The following MAGI1 variants were observed in gnomAD, a reference collection of about 807,000 sequenced individuals.
MAGI1 encodes membrane associated guanylate kinase, WW and PDZ domain containing 1.
Under a neutral mutation model 139.9 loss-of-function variants are expected in MAGI1, and 58 were observed. The ratio of observed to expected loss-of-function variants is 0.41; its 90% CI spans 0.34 to 0.52. The LOEUF is 0.52. Ranked by LOEUF, MAGI1 falls within the 20% of genes least tolerant of loss-of-function variation. The probability of loss-of-function intolerance (pLI) is 0.12; values close to 1 mark genes in which losing one functional copy is unlikely to be tolerated. For missense variants in MAGI1, 1,874 were observed against 1,901.6 expected (o/e 0.99, Z 0.27); for synonymous variants, 812 against 737.9 (o/e 1.10, Z -1.63).
At chr3:66,007,775 T>G (rs2067104284) in intron 1 of MAGI1, among the ~76,000 whole-genome samples, 1 of 151,144 alleles carries the variant, frequency 6.6e-6, no homozygotes, top group Non-Finnish European at 1.5e-5. Flanking sequence ...CAATAACCAT[T>G]TCAGTGTATT....
intron 13 of MAGI1, among the ~76,000 whole-genome samples, chr3:65,392,813 G>T (rs1944039669): frequency 6.6e-6 from 1 of 152,156 alleles, no homozygotes; most frequent in Admixed American, 6.5e-5. Context: ...GGAGGTATTG[G>T]CAAGGATTCA....
At chr3:65,935,062 T>A (rs912322512) in intron 1 of MAGI1, among the ~76,000 whole-genome samples, 1 of 152,060 alleles carries the variant, frequency 6.6e-6, no homozygotes, top group Non-Finnish European at 1.5e-5. Context: ...AACTATTCGA[T>A]CAAAGAAGAG....
chr3:65,874,739 C>G (rs1477071163), intron 1 of MAGI1: 1 of 152,208 alleles, frequency 6.6e-6, no homozygotes, highest in African/African-American at 2.4e-5. Context: ...TTTGAACCAG[C>G]AATTCCATTC....
intron 1 of MAGI1, among the ~76,000 whole-genome samples, chr3:65,640,407 G>T (rs1286897320): frequency 1.3e-5 from 2 of 152,186 alleles, no homozygotes; most frequent in Admixed American, 6.5e-5. Flanking sequence ...AACCCCAGAG[G>T]CCTCTCCTGT....
chr3:65,707,399 A>G (rs1408399506), intron 1 of MAGI1, among the ~76,000 whole-genome samples: 1 of 152,180 alleles, frequency 6.6e-6, no homozygotes, highest in African/African-American at 2.4e-5. Context: ...CCCGAGTGCC[A>G]GGGCAACCGG....
intron 1 of MAGI1, among the ~76,000 whole-genome samples, chr3:65,705,520 T>C (rs947710251): frequency 4.6e-5 from 7 of 152,248 alleles, no homozygotes; most frequent in African/African-American, 1.7e-4. Context: ...TTGTACAAGG[T>C]GCAAGTCAGT....
intron 1 of MAGI1, among the ~76,000 whole-genome samples, chr3:65,982,272 G>A (rs1353014958): frequency 6.6e-6 from 1 of 152,166 alleles, no homozygotes; most frequent in Non-Finnish European, 1.5e-5. Context: ...GACTGGCCTG[G>A]GGTTTTAATT....
chr3:65,569,281 A>T, intron 2 of MAGI1, among the ~76,000 whole-genome samples: 1 of 152,228 alleles, frequency 6.6e-6, no homozygotes, highest in East Asian at 1.9e-4. Context: ...GGCGAGAGGG[A>T]GGAGAATGGA....
intron 2 of MAGI1, among the ~76,000 whole-genome samples, chr3:65,566,951 G>A (rs1404547): frequency 0.7 from 106,900 of 152,050 alleles, 37,899 homozygotes; most frequent in East Asian, 0.95. Context: ...GCTGTACATC[G>A]ACATTGTTTG....
At chr3:65,463,672 T>C (rs1949977385) in intron 5 of MAGI1, among the ~76,000 whole-genome samples, 2 of 152,016 alleles carry the variant, frequency 1.3e-5, no homozygotes, top group South Asian at 2.1e-4. Flanking sequence ...CCTCTTTTTC[T>C]ATTGCTTGGA....
intron 1 of MAGI1, among the ~76,000 whole-genome samples, chr3:65,840,695 G>A (rs1302114441): frequency 1.3e-5 from 2 of 152,078 alleles, no homozygotes; most frequent in Non-Finnish European, 2.9e-5. Flanking sequence ...TGGTGTGGGT[G>A]GGGGGTGGCC....
Position 65,918,947 on chromosome 3 carries a change from C to G in MAGI1, c.313+119049G>C, listed in dbSNP as rs570050119. On this transcript the variant is annotated intron_variant, in intron 1 of 22. Transcript: ENST00000402939. ...TCCTCATTTTCAAAAAAAAAACAAA[C>G]AAACAAAACAAAATGTAAACTAGCC... 1.0e-3 allele frequency among the ~76,000 whole-genome samples: 152 copies of G among 151,088 alleles called. 1 individual carries two copies. In the Middle Eastern group the frequency reaches 0.01, roughly 10 times the overall value.
intron 2 of MAGI1, among the ~76,000 whole-genome samples, chr3:65,524,614 G>A (rs1034450332): frequency 7.2e-5 from 11 of 152,166 alleles, no homozygotes; most frequent in Admixed American, 6.5e-4. Context: ...CATCCCAGTC[G>A]ACAAAGTGTC....
chr3:65,831,965 C>G lies in MAGI1; in HGVS notation c.313+206031G>C, dbSNP rs151100314. 2.6e-3 allele frequency among the ~76,000 whole-genome samples: 398 copies of G among 152,300 alleles called. 1 individual carries two copies. The highest frequency in any genetic ancestry group is 0.01 in the Middle Eastern group (3 of 294). ...AATGTTGAGTAATAATTGTGGGGGCCTTGCCTTTCATATTGCGCCAATAAT... is the reference window on the plus strand; with the variant it reads ...AATGTTGAGTAATAATTGTGGGGGCGTTGCCTTTCATATTGCGCCAATAAT... On this transcript the variant is annotated intron_variant, in intron 1 of 22. Transcript: ENST00000402939.
chr3:65,833,606 G>T (rs2042646835), intron 1 of MAGI1, among the ~76,000 whole-genome samples: 1 of 152,138 alleles, frequency 6.6e-6, no homozygotes, highest in Non-Finnish European at 1.5e-5. Context: ...TTACCTATTT[G>T]TAAGTCTTTA....
intron 1 of MAGI1, among the ~76,000 whole-genome samples, chr3:65,885,723 C>T (rs184481319): frequency 1.2e-4 from 18 of 152,312 alleles, no homozygotes; most frequent in African/African-American, 3.8e-4. Context: ...TCCTCCTTCA[C>T]CTTCCACCAT....
chr3:65,916,497 G>A (rs1177209549), intron 1 of MAGI1, among the ~76,000 whole-genome samples: 1 of 152,136 alleles, frequency 6.6e-6, no homozygotes, highest in Non-Finnish European at 1.5e-5. Flanking sequence ...GAGAAAATAA[G>A]AGCCAAGTGA....
intron 2 of MAGI1, among the ~76,000 whole-genome samples, chr3:65,515,796 T>G (rs1042242940): frequency 6.6e-6 from 1 of 152,186 alleles, no homozygotes; most frequent in Admixed American, 6.5e-5. Context: ...CCAAATCATA[T>G]GGTCCAATAC....
At chr3:65,993,992 G>A (rs2066308785) in intron 1 of MAGI1, among the ~76,000 whole-genome samples, 1 of 152,112 alleles carries the variant, frequency 6.6e-6, no homozygotes, top group Non-Finnish European at 1.5e-5. Context: ...AAATATGGTA[G>A]GCCGGATGCA....
Sources: allele counts gnomAD v4.1 joint callset (sites outside exome capture counted in the v4.1 genomes callset), GRCh38; gene constraint gnomAD v4.1.1; transcripts MANE v1.5; gene names NCBI Gene and HGNC (gene_info 2026-07-23, HGNC 2026-07-21).